Variants in ANGPT2 observed in about 807,000 individuals in gnomAD.
ANGPT2 encodes angiopoietin 2.
In ANGPT2, 28 loss-of-function variants were observed where a neutral mutation model predicts 62.9. The observed-to-expected ratio is 0.44, with a 90% CI of 0.33 to 0.61. ANGPT2 has a LOEUF of 0.61. Ranked by LOEUF, ANGPT2 falls within the 20% of genes least tolerant of loss-of-function variation. The pLI, the probability that ANGPT2 is intolerant of heterozygous loss-of-function variation, is 0.03. For missense variants in ANGPT2, 727 were observed against 594.9 expected (o/e 1.22, Z -2.31); for synonymous variants, 284 against 207.8 (o/e 1.37, Z -3.15).
At chr8:6,540,744 G>C (rs897005392) in intron 1 of ANGPT2, among the ~76,000 whole-genome samples, 3 of 152,284 alleles carry the variant, frequency 2.0e-5, no homozygotes, top group Non-Finnish European at 1.5e-5. Context: ...AGCAGAGCCT[G>C]AGACAAAGGC....
chr8:6,535,541 A>T (rs1820324911), intron 1 of ANGPT2, among the ~76,000 whole-genome samples: 1 of 152,236 alleles, frequency 6.6e-6, no homozygotes, highest in East Asian at 1.9e-4. Flanking sequence ...ATAAAAGCAG[A>T]TTACAAATAC....
intron 2 of ANGPT2, among the ~76,000 whole-genome samples, chr8:6,529,033 G>A (rs775866036): frequency 1.2e-4 from 19 of 152,076 alleles, no homozygotes; most frequent in Non-Finnish European, 2.4e-4. Flanking sequence ...GGAAAATTGT[G>A]TCCTGTTTAA....
intron 2 of ANGPT2, among the ~76,000 whole-genome samples, chr8:6,528,608 T>C (rs1818833095): frequency 6.6e-6 from 1 of 152,266 alleles, no homozygotes; most frequent in Non-Finnish European, 1.5e-5. Context: ...CTTTGTGAGC[T>C]ACTGCGTGGC....
chr8:6,516,752 C>T (rs1026259900), intron 5 of ANGPT2, among the ~76,000 whole-genome samples: 2 of 152,154 alleles, frequency 1.3e-5, no homozygotes, highest in African/African-American at 4.8e-5. Context: ...CTTGGTGAGC[C>T]TATCCTTGTT....
At chr8:6,542,343 T>TG (rs1563096217) in intron 1 of ANGPT2, among the ~76,000 whole-genome samples, 3 of 152,006 alleles carry the variant, frequency 2.0e-5, no homozygotes, top group Non-Finnish European at 2.9e-5. Flanking sequence ...TGTGTGTGTG[T>TG]TTCAGTTCTC....
chr8:6,517,356 C>T (rs936862087), intron 5 of ANGPT2, among the ~76,000 whole-genome samples: 1 of 152,174 alleles, frequency 6.6e-6, no homozygotes, highest in African/African-American at 2.4e-5. Context: ...GGTTAAATAG[C>T]AAACCATAGA....
rs571863742 is a variant in ANGPT2 at position 6,502,667 on chromosome 8, A to G, written c.*434T>C. 5 of 154,552 alleles carry G rather than the reference A, an allele frequency of 3.2e-5. No homozygotes were observed. In the East Asian group the frequency reaches 9.6e-4, roughly 30 times the overall value. 9.6% of individuals were successfully genotyped at this position (154,552 alleles called of 1,614,324 possible). A position where few individuals can be genotyped will look rare whatever the true frequency, so the allele number is the denominator to read the frequency against. On this transcript the variant is annotated 3_prime_UTR_variant, in exon 9 of 9. Coordinates refer to ENST00000629816, the MANE Select transcript of ANGPT2 (RefSeq NM_001118887.2). ...CCTTTTAATTGTGATAGTGATGGTG[A>G]ATTCAGGACATATGGGTATTTACAC...
At chr8:6,515,561 C>T (rs1170357983) in intron 5 of ANGPT2, among the ~76,000 whole-genome samples, 3 of 152,190 alleles carry the variant, frequency 2.0e-5, no homozygotes, top group Non-Finnish European at 4.4e-5. Flanking sequence ...CTTTCTTAAG[C>T]TAAGCGCATG....
At chr8:6,519,713 T>C (rs1816946390) in intron 5 of ANGPT2, 151 bp downstream of exon 5, 16 of 912,978 alleles carry the variant, frequency 1.8e-5, no homozygotes, top group Non-Finnish European at 2.4e-5. Context: ...TGGCAAGCAC[T>C]CTAGGCGAGG....
chr8:6,530,673 A>G (rs1819321222), intron 2 of ANGPT2, among the ~76,000 whole-genome samples: 1 of 152,112 alleles, frequency 6.6e-6, no homozygotes, highest in African/African-American at 2.4e-5. Flanking sequence ...GTTATGTAAA[A>G]TATTTATGTA....
rs1162551573 is a variant in ANGPT2 at position 6,527,569 on chromosome 8, C to T, written c.552G>A (p.Leu184=). 1 of 1,613,770 alleles carries T rather than the reference C, an allele frequency of 6.2e-7. No individual in the cohort carries two copies. Among genetic ancestry groups the T allele is most frequent in the Admixed American group, 1.7e-5 (1 of 60,008 alleles). ...ILDQTSEINK[L]QDKNSFLEKK... is the part of the protein sequence containing the mutation. ...ACTGTTATTACCTGTTCTTATCTTGCAATTTGTTTATTTCACTGGTCTGGT... is the reference window on the plus strand; with the variant it reads ...ACTGTTATTACCTGTTCTTATCTTGTAATTTGTTTATTTCACTGGTCTGGT... Residue 184 remains leucine, a synonymous_variant, in exon 3 of 9, where the codon TTG becomes TTA. Coordinates refer to ENST00000629816, the MANE Select transcript of ANGPT2 (RefSeq NM_001118887.2).
intron 1 of ANGPT2, among the ~76,000 whole-genome samples, chr8:6,560,522 G>C (rs540153658): frequency 5.3e-5 from 8 of 152,292 alleles, no homozygotes; most frequent in African/African-American, 1.9e-4. Flanking sequence ...CGTAAACCGA[G>C]CGAGAGTGCA....
chr8:6,527,446 C>A lies in ANGPT2; in HGVS notation c.566+109G>T, dbSNP rs1818540209. On this transcript the variant is annotated intron_variant, in intron 3 of 8. Transcript: ENST00000629816. Reference sequence around the variant, plus strand: ...TCCCTCATGAGGTTTCTGACCCTTACACTAGACATGAAGAAACTCACCATT... The same window carrying A: ...TCCCTCATGAGGTTTCTGACCCTTAAACTAGACATGAAGAAACTCACCATT... 4 of 1,382,724 alleles carry A rather than the reference C, an allele frequency of 2.9e-6. 1 individual carries two copies. The Admixed American group carries it at 6.1e-5, about 21-fold the overall frequency. The allele number at this position is 1,382,724 out of a possible 1,614,324, so 85.7% of individuals were successfully genotyped here. A position where few individuals can be genotyped will look rare whatever the true frequency, so the allele number is the denominator to read the frequency against.
intron 1 of ANGPT2, among the ~76,000 whole-genome samples, chr8:6,561,096 T>A (rs1825467453): frequency 6.6e-6 from 1 of 152,222 alleles, no homozygotes; most frequent in Non-Finnish European, 1.5e-5. Flanking sequence ...TAGGATATAG[T>A]TTGCCTTCCA....
At chr8:6,516,756 C>A (rs778165369) in intron 5 of ANGPT2, among the ~76,000 whole-genome samples, 2 of 152,128 alleles carry the variant, frequency 1.3e-5, no homozygotes, top group South Asian at 4.1e-4. Context: ...GTGAGCCTAT[C>A]CTTGTTCCAA....
At chr8:6,511,985 C>G (rs147315191) in intron 7 of ANGPT2, among the ~76,000 whole-genome samples, 15 of 151,456 alleles carry the variant, frequency 9.9e-5, no homozygotes, top group African/African-American at 3.6e-4. Flanking sequence ...AAAACACTGA[C>G]CAACCACTTG....
chr8:6,500,029 C>T lies in ANGPT2; in HGVS notation c.*3072G>A. ...ACTTAAGTTTTTATCCAGTCAAGCA[C>T]AATTATGCCCATAATTAAAAAGACA... is the stretch of plus-strand genomic sequence containing the variant. On this transcript the variant is annotated 3_prime_UTR_variant, in exon 9 of 9. Transcript: ENST00000629816. 3.2e-6 allele frequency: 3 copies of T among 923,732 alleles called. No homozygotes were observed. Among genetic ancestry groups the T allele is most frequent in the Middle Eastern group, 3.0e-4 (1 of 3,386 alleles). The allele number at this position is 923,732 out of a possible 1,614,324, so 57.2% of individuals were successfully genotyped here. A position where few individuals can be genotyped will look rare whatever the true frequency, so the allele number is the denominator to read the frequency against.
intron 8 of ANGPT2, among the ~76,000 whole-genome samples, chr8:6,505,924 A>T (rs1434479116): frequency 1.1e-5 from 1 of 89,142 alleles, no homozygotes; most frequent in Non-Finnish European, 2.1e-5. Context: ...ATATGTATAT[A>T]TAAAAACATA....
chr8:6,557,580 G>A (rs1031984555), intron 1 of ANGPT2, among the ~76,000 whole-genome samples: 5 of 152,228 alleles, frequency 3.3e-5, no homozygotes, highest in Admixed American at 2.6e-4. Flanking sequence ...GATGGGCCCT[G>A]TTTAATTAGA....
Sources: gnomAD v4.1 joint callset for allele counts (sites outside exome capture counted in the v4.1 genomes callset) on GRCh38, gnomAD v4.1.1 for gene constraint, MANE v1.5 for transcripts, NCBI Gene and HGNC (gene_info 2026-07-23, HGNC 2026-07-21) for gene names.